Variants in NKAIN2 observed in about 807,000 individuals in gnomAD.
NKAIN2 encodes the protein sodium/potassium-transporting ATPase subunit beta-1-interacting protein 2.
NKAIN2 carries 14 observed loss-of-function variants against 32.6 expected under a neutral mutation model. That is an observed-to-expected ratio of 0.43 (90% CI 0.28 to 0.67). NKAIN2 has a LOEUF of 0.67. NKAIN2 is among the 30% of genes least tolerant of loss of function. The pLI is 0.17. For synonymous variants in NKAIN2, 80 were observed against 87.2 expected, an observed-to-expected ratio of 0.92 and a Z score of 0.46; for missense variants, 198 against 258.3, an observed-to-expected ratio of 0.77 and a Z score of 1.60.
chr6:124,172,457 C>T (rs1216004832), intron 1 of NKAIN2, among the ~76,000 whole-genome samples: 3 of 152,016 alleles, frequency 2.0e-5, no homozygotes, highest in Non-Finnish European at 4.4e-5. Context: ...GTGTATGTAC[C>T]ATCTTGCTCA....
chr6:124,224,612 A>G (rs1389702842), intron 1 of NKAIN2, among the ~76,000 whole-genome samples: 1 of 152,082 alleles, frequency 6.6e-6, no homozygotes, highest in Non-Finnish European at 1.5e-5. Flanking sequence ...TCTTCTTCTG[A>G]AAGAGAGATG....
intron 2 of NKAIN2, among the ~76,000 whole-genome samples, chr6:124,290,656 T>C (rs1385678139): frequency 6.6e-6 from 1 of 151,650 alleles, no homozygotes; most frequent in Non-Finnish European, 1.5e-5. Context: ...ACGTTGTTTT[T>C]ACAGGTTTTC....
At chr6:124,123,703 AGTTAT>A (rs938826585) in intron 1 of NKAIN2, among the ~76,000 whole-genome samples, 3 of 152,148 alleles carry the variant, frequency 2.0e-5, no homozygotes, top group Admixed American at 6.6e-5. Flanking sequence ...TTGTGGTCTT[AGTTAT>A]GTTATAAGTA....
In NKAIN2 at chr6:124,332,225, A is replaced by G. The variant is rs191567321; in HGVS notation, c.193-23042A>G. The stretch of plus-strand genomic sequence containing the variant: ...CATGCATATATATGTGTGTGTGTGT[A>G]TATACACACACACACACACACAGAG... On this transcript the variant is annotated intron_variant, in intron 2 of 6. Transcript: ENST00000368417. Among the ~76,000 whole-genome samples, 32 of 150,698 alleles carry G rather than the reference A, an allele frequency of 2.1e-4. No individual in the cohort carries two copies. The East Asian group carries it at 5.1e-3, about 24-fold the overall frequency.
intron 5 of NKAIN2, among the ~76,000 whole-genome samples, chr6:124,794,422 G>C (rs893417703): frequency 6.6e-6 from 1 of 152,120 alleles, no homozygotes; most frequent in Non-Finnish European, 1.5e-5. Context: ...GAAAGATCAA[G>C]TTATCTCTCA....
chr6:124,450,152 C>CCCCATT (rs772106659), intron 3 of NKAIN2, among the ~76,000 whole-genome samples: 64 of 152,142 alleles, frequency 4.2e-4, no homozygotes, highest in Admixed American at 9.8e-4. Flanking sequence ...GTATTGTTTT[C>CCCCATT]ATCCTTTCGT....
chr6:123,891,587 T>C (rs1432860350), intron 1 of NKAIN2, among the ~76,000 whole-genome samples: 1 of 152,140 alleles, frequency 6.6e-6, no homozygotes, highest in Non-Finnish European at 1.5e-5. Flanking sequence ...TTATTCCCCA[T>C]AGGAAACATG....
intron 3 of NKAIN2, among the ~76,000 whole-genome samples, chr6:124,610,495 A>G (rs1583515863): frequency 6.6e-6 from 1 of 152,196 alleles, no homozygotes; most frequent in East Asian, 1.9e-4. Context: ...TCAGAGTGAT[A>G]CTGTCTATGC....
At chr6:124,224,541 G>A (rs1480045300) in intron 1 of NKAIN2, among the ~76,000 whole-genome samples, 5 of 151,946 alleles carry the variant, frequency 3.3e-5, no homozygotes, top group Non-Finnish European at 5.9e-5. Context: ...CATCTACTTG[G>A]GAAATACTGT....
intron 3 of NKAIN2, among the ~76,000 whole-genome samples, chr6:124,576,672 C>G (rs1402012297): frequency 1.3e-5 from 2 of 149,690 alleles, no homozygotes; most frequent in African/African-American, 4.9e-5. Context: ...GCCAGATAGA[C>G]CAATAAATTT....
chr6:124,052,050 AATGCAGC>A (rs890213267), intron 1 of NKAIN2, among the ~76,000 whole-genome samples: 1 of 152,042 alleles, frequency 6.6e-6, no homozygotes, highest in African/African-American at 2.4e-5. Context: ...GTTTATTGAA[AATGCAGC>A]AATATCAACA....
intron 1 of NKAIN2, among the ~76,000 whole-genome samples, chr6:124,013,074 A>G (rs974587180): frequency 2.6e-5 from 4 of 152,156 alleles, no homozygotes; most frequent in Admixed American, 6.5e-5. Flanking sequence ...CCATTTCCTT[A>G]ATAACTAACG....
At position 123,835,518 on chromosome 6, in the gene NKAIN2, T is replaced by C. The variant is rs571915954; in HGVS notation, c.54+31264T>C. ...AGTAATCTTGTTTTGTTCTTTTTCA[T>C]AGATATTTTCTTGAGTACATAAAGC... On this transcript the variant is annotated intron_variant, in intron 1 of 6. Coordinates refer to ENST00000368417, the MANE Select transcript of NKAIN2 (RefSeq NM_001040214.3). Among the ~76,000 whole-genome samples, 24 of 152,362 alleles carry C rather than the reference T, an allele frequency of 1.6e-4. No homozygotes were observed. The South Asian group carries it at 4.8e-3, about 30-fold the overall frequency.
intron 3 of NKAIN2, among the ~76,000 whole-genome samples, chr6:124,418,163 T>A (rs949071851): frequency 6.6e-6 from 1 of 151,774 alleles, no homozygotes; most frequent in Non-Finnish European, 1.5e-5. Context: ...GTGGACTGTG[T>A]GTGTGTGTGT....
At chr6:124,197,645 A>G (rs899564810) in intron 1 of NKAIN2, among the ~76,000 whole-genome samples, 6 of 152,014 alleles carry the variant, frequency 3.9e-5, no homozygotes. Context: ...TACATGAACT[A>G]TTTTACTCAT....
intron 1 of NKAIN2, among the ~76,000 whole-genome samples, chr6:124,101,103 T>A (rs1190999737): frequency 6.6e-6 from 1 of 152,198 alleles, no homozygotes; most frequent in African/African-American, 2.4e-5. Context: ...GCCATATGTA[T>A]GTATTTCAAA....
intron 4 of NKAIN2, among the ~76,000 whole-genome samples, chr6:124,710,429 G>C (rs941027268): frequency 4.0e-5 from 6 of 150,444 alleles, no homozygotes; most frequent in Middle Eastern, 3.2e-3. Context: ...TGACAGTGGG[G>C]TGTTAAAGTC....
At chr6:124,075,099 C>G (rs960246462) in intron 1 of NKAIN2, among the ~76,000 whole-genome samples, 2 of 152,088 alleles carry the variant, frequency 1.3e-5, no homozygotes, top group African/African-American at 4.8e-5. Context: ...TAAATTGAGG[C>G]ATGTGTTAAC....
At chr6:124,582,948 T>G (rs1781575950) in intron 3 of NKAIN2, among the ~76,000 whole-genome samples, 1 of 152,042 alleles carries the variant, frequency 6.6e-6, no homozygotes, top group African/African-American at 2.4e-5. Flanking sequence ...CCTAAAAAAC[T>G]AGGTATAGAA....
Sources: allele counts gnomAD v4.1 joint callset (sites outside exome capture counted in the v4.1 genomes callset), GRCh38; gene constraint gnomAD v4.1.1; transcripts MANE v1.5; gene names NCBI Gene and HGNC (gene_info 2026-07-23, HGNC 2026-07-21).